SYT2: variants seen among roughly 807,000 people sequenced by gnomAD.
SYT2 encodes synaptotagmin-2.
In SYT2, 15 loss-of-function variants were observed where a neutral mutation model predicts 39.9. The ratio of observed to expected loss-of-function variants is 0.38; its 90% confidence interval spans 0.25 to 0.58. SYT2 has a LOEUF of 0.58. SYT2 is among the 20% of genes least tolerant of loss of function. SYT2 has a pLI of 0.70. For missense variants in SYT2, 389 were observed against 530.3 expected (o/e 0.73, Z 2.62); for synonymous variants, 181 against 204.5 (o/e 0.89, Z 0.98).
intron 1 of SYT2, among the ~76,000 whole-genome samples, chr1:202,640,642 G>A (rs954556964): frequency 2.0e-5 from 3 of 152,134 alleles, no homozygotes; most frequent in Admixed American, 2.0e-4. Flanking sequence ...GTGGGGAAGG[G>A]AGAACCAAGG....
At chr1:202,707,391 C>G (rs561467132) in intron 1 of SYT2, among the ~76,000 whole-genome samples, 12 of 152,288 alleles carry the variant, frequency 7.9e-5, no homozygotes, top group South Asian at 2.1e-4. Flanking sequence ...CCTGCCCCCC[C>G]ATTACTCCCT....
chr1:202,616,272 G>T (rs1691028651), intron 1 of SYT2, among the ~76,000 whole-genome samples: 1 of 152,234 alleles, frequency 6.6e-6, no homozygotes, highest in South Asian at 2.1e-4. Flanking sequence ...GTGAGTTGAG[G>T]GCTTTTCCTC....
intron 8 of SYT2, among the ~76,000 whole-genome samples, chr1:202,598,545 C>G (rs1690380310): frequency 6.6e-6 from 1 of 151,086 alleles, no homozygotes; most frequent in South Asian, 2.1e-4. Context: ...GGGGTGGGAT[C>G]AGCTCACTAC....
intron 1 of SYT2, among the ~76,000 whole-genome samples, chr1:202,658,445 C>T (rs1692317768): frequency 6.6e-6 from 1 of 152,110 alleles, no homozygotes; most frequent in African/African-American, 2.4e-5. Context: ...ACTGATGCCT[C>T]TTGGATCCTG....
At chr1:202,698,048 G>A (rs1654017791) in intron 1 of SYT2, among the ~76,000 whole-genome samples, 2 of 152,026 alleles carry the variant, frequency 1.3e-5, no homozygotes, top group Non-Finnish European at 2.9e-5. Flanking sequence ...GAGGGTGAAG[G>A]ATCAGGGATC....
intron 1 of SYT2, among the ~76,000 whole-genome samples, chr1:202,707,974 G>A (rs753495339): frequency 1.3e-5 from 2 of 152,122 alleles, no homozygotes; most frequent in African/African-American, 2.4e-5. Flanking sequence ...GGAATAAAAC[G>A]AGCTCCAGCT....
At chr1:202,667,355 C>T (rs929835384) in intron 1 of SYT2, among the ~76,000 whole-genome samples, 2 of 152,170 alleles carry the variant, frequency 1.3e-5, no homozygotes, top group African/African-American at 4.8e-5. Context: ...CAGTCTCCAC[C>T]AACGCCTGCC....
At chr1:202,689,652 G>A (rs1304534908) in intron 1 of SYT2, among the ~76,000 whole-genome samples, 1 of 151,996 alleles carries the variant, frequency 6.6e-6, no homozygotes, top group African/African-American at 2.4e-5. Flanking sequence ...AGTGTCCAGG[G>A]GGCAGGGAAC....
intron 1 of SYT2, among the ~76,000 whole-genome samples, chr1:202,619,408 G>A (rs1409901680): frequency 6.6e-6 from 1 of 152,228 alleles, no homozygotes; most frequent in Non-Finnish European, 1.5e-5. Context: ...AGCCTGCTGG[G>A]CCACAGGTCA....
intron 1 of SYT2, among the ~76,000 whole-genome samples, chr1:202,612,105 G>A (rs540759582): frequency 3.3e-5 from 5 of 152,244 alleles, no homozygotes; most frequent in African/African-American, 9.6e-5. Flanking sequence ...ACATTCATTC[G>A]TTTGTATGTG....
intron 1 of SYT2, among the ~76,000 whole-genome samples, chr1:202,644,225 G>T (rs1176827578): frequency 6.6e-6 from 1 of 152,094 alleles, no homozygotes; most frequent in South Asian, 2.1e-4. Context: ...GTACGGGTGT[G>T]GGGGAGAGGA....
At chr1:202,600,909 C>T (rs1690482505) in intron 6 of SYT2, among the ~76,000 whole-genome samples, 1 of 152,198 alleles carries the variant, frequency 6.6e-6, no homozygotes, top group Admixed American at 6.5e-5. Context: ...GACTGAATGT[C>T]TCAGAAGCCT....
At position 202,603,106 on chromosome 1, in the gene SYT2, C is replaced by A. The variant is rs987703370; in HGVS notation, c.358G>T (p.Ala120Ser). Residue 120 changes from alanine to serine, a missense_variant, in exon 4 of 9, where the codon GCA (alanine) becomes TCA (serine). Transcript: ENST00000367268. ...DMKGGQDDDD[A>S]ETGLTEGEGE... ...TCCCCCTCAGTCAGGCCTGTCTCTG[C>A]GTCGTCGTCATCCTGTGGGAGCTGG... 4.3e-6 allele frequency: 7 copies of A among 1,613,956 alleles called. No individual in the cohort carries two copies. The African/African-American group carries it at 9.3e-5, about 22-fold the overall frequency.
intron 1 of SYT2, among the ~76,000 whole-genome samples, chr1:202,678,228 C>A (rs1037670633): frequency 1.6e-5 from 2 of 127,534 alleles, no homozygotes; most frequent in African/African-American, 5.9e-5. Flanking sequence ...GAGCCGAGAT[C>A]GTGCCACTGC....
chr1:202,706,121 A>G (rs1341565578), intron 1 of SYT2, among the ~76,000 whole-genome samples: 1 of 152,034 alleles, frequency 6.6e-6, no homozygotes, highest in East Asian at 1.9e-4. Context: ...ATCCAAATTT[A>G]CCCATCACTC....
At chr1:202,597,549 A>G (rs1346160701) in intron 8 of SYT2, among the ~76,000 whole-genome samples, 1 of 152,218 alleles carries the variant, frequency 6.6e-6, no homozygotes, top group African/African-American at 2.4e-5. Context: ...ATTGAGGTAT[A>G]GGGTGAGAAG....
Position 202,669,541 on chromosome 1 carries a change from C to T in SYT2, c.-18+40717G>A, listed in dbSNP as rs143504191. ...CTGGGAGGGGGAGGTTGCAGTGAGC[C>T]GAGATCACACCATTGCACTCCAGCC... On this transcript the variant is annotated intron_variant, in intron 1 of 8. Coordinates refer to ENST00000367268, the MANE Select transcript of SYT2 (RefSeq NM_177402.5). Among the ~76,000 whole-genome samples, 1,321 of 150,560 alleles carry T rather than the reference C, an allele frequency of 8.8e-3. 16 individuals are homozygous for T. The highest frequency in any genetic ancestry group is 0.031 in the African/African-American group (1,266 of 40,856).
chr1:202,683,587 T>C (rs922221941), intron 1 of SYT2, among the ~76,000 whole-genome samples: 2 of 151,834 alleles, frequency 1.3e-5, no homozygotes, highest in African/African-American at 2.4e-5. Context: ...AAAAATATTT[T>C]AAAAATAGCT....
intron 1 of SYT2, among the ~76,000 whole-genome samples, chr1:202,659,553 G>A (rs866617073): frequency 1.3e-5 from 2 of 152,194 alleles, no homozygotes; most frequent in Middle Eastern, 3.2e-3. Context: ...CCTTGGAAAC[G>A]ACTCTGAAAG....
Sources: allele counts gnomAD v4.1 joint callset (sites outside exome capture counted in the v4.1 genomes callset), GRCh38; gene constraint gnomAD v4.1.1; transcripts MANE v1.5; gene names NCBI Gene and HGNC (gene_info 2026-07-23, HGNC 2026-07-21).